The following PNPT1 variants were observed in gnomAD, a reference collection of about 807,000 sequenced individuals.
PNPT1 encodes the protein polyribonucleotide nucleotidyltransferase 1, also known as polyribonucleotide nucleotidyltransferase 1, mitochondrial.
A neutral mutation model predicts 119.5 loss-of-function variants in PNPT1; 53 were observed. That is an observed-to-expected ratio of 0.44 (90% confidence interval 0.36 to 0.56). The LOEUF is 0.56. Ranked by LOEUF, PNPT1 falls within the 20% of genes least tolerant of loss-of-function variation. PNPT1 has a pLI of 0.00. For missense variants in PNPT1, 948 were observed against 938.5 expected (o/e 1.01, Z -0.13); for synonymous variants, 357 against 322.1 (o/e 1.11, Z -1.16).
chr2:55,680,407 C>T (rs1697208445), intron 7 of PNPT1, among the ~76,000 whole-genome samples: 1 of 132,338 alleles, frequency 7.6e-6, no homozygotes, highest in Admixed American at 8.6e-5. Flanking sequence ...GGAGTATATA[C>T]TCTGATAATT....
chr2:55,638,571 C>G (rs1695747693), intron 26 of PNPT1, among the ~76,000 whole-genome samples: 1 of 151,568 alleles, frequency 6.6e-6, no homozygotes, highest in African/African-American at 2.4e-5. Context: ...ATCACTTGAG[C>G]CTGGGAGGCT....
At chr2:55,673,149 C>A in intron 8 of PNPT1, 70 bp from the exon 9 acceptor site, 1 of 1,160,380 alleles carries the variant, frequency 8.6e-7, no homozygotes, top group East Asian at 2.5e-5. Context: ...TTTTCAAATA[C>A]CATGACATGA....
chr2:55,635,303 G>A lies in PNPT1; in HGVS notation c.*934C>T, dbSNP rs1418306697. The A allele has an allele frequency of 4.0e-5, 5 of 124,802 alleles. No homozygotes were observed. The highest frequency in any genetic ancestry group is 8.1e-5 in the Non-Finnish European group (5 of 61,660). The allele number at this position is 124,802 out of a possible 1,614,324, so 7.7% of individuals were successfully genotyped here. ...TATTCAAATTGACCTAGTTCAATTT[G>A]ATAAGTAAACAATTTTTTTTTTTTT... On this transcript the variant is annotated 3_prime_UTR_variant, in exon 28 of 28. Coordinates refer to ENST00000447944, the MANE Select transcript of PNPT1 (RefSeq NM_033109.5).
Position 55,686,936 on chromosome 2 carries a change from C to T in PNPT1, c.223-492G>A, listed in dbSNP as rs564667606. Reference sequence around the variant, plus strand: ...CGAGGTCAAGAGATTGAGACCAGGCCAGGCGCGGTGGCTCACGTCTGTAAT... The same window carrying T: ...CGAGGTCAAGAGATTGAGACCAGGCTAGGCGCGGTGGCTCACGTCTGTAAT... On this transcript the variant is annotated intron_variant, in intron 2 of 27. Coordinates refer to ENST00000447944, the MANE Select transcript of PNPT1 (RefSeq NM_033109.5). 4.0e-5 allele frequency among the ~76,000 whole-genome samples: 6 copies of T among 151,886 alleles called. No homozygotes were observed. The South Asian group carries it at 8.3e-4, about 21-fold the overall frequency.
At chr2:55,673,158 G>T in intron 8 of PNPT1, 79 bp from the exon 9 acceptor site, 1 of 1,121,638 alleles carries the variant, frequency 8.9e-7, no homozygotes, top group Non-Finnish European at 1.2e-6. Flanking sequence ...ACCATGACAT[G>T]ACATAAATAT....
chr2:55,636,088 C>A lies in PNPT1; in HGVS notation c.*149G>T. On this transcript the variant is annotated 3_prime_UTR_variant, in exon 28 of 28. Coordinates refer to ENST00000447944, the MANE Select transcript of PNPT1 (RefSeq NM_033109.5). The stretch of plus-strand genomic sequence containing the variant: ...TGGGTTACTCGAATTAAAAAAATGG[C>A]ACATGTAAATGAGCATTTTAGTACA... 2.3e-6 allele frequency: 1 copy of A among 438,998 alleles called. No homozygotes were observed. The highest frequency in any genetic ancestry group is 3.7e-6 in the Non-Finnish European group (1 of 268,118). 27.2% of individuals were successfully genotyped at this position (438,998 alleles called of 1,614,324 possible). A position where few individuals can be genotyped will look rare whatever the true frequency, so the allele number is the denominator to read the frequency against.
In PNPT1 at chr2:55,672,900, T is replaced by C. The variant is rs1572824007; in HGVS notation, c.859A>G (p.Thr287Ala). 1.3e-6 allele frequency: 2 copies of C among 1,598,062 alleles called. No homozygotes were observed. The highest frequency in any genetic ancestry group is 4.5e-5 in the East Asian group (2 of 44,284). Reference protein sequence around the residue: ...FTPSPEIVKYTHKLAMERLYA... With the variant: ...FTPSPEIVKYAHKLAMERLYA... ...TTGCACAGATGTTCTTACTTATGAG[T>C]ATATTTCACAATCTCTGGCGAAGGG... The change falls in exon 9 of 28, where the codon ACT becomes GCT. Residue 287 changes from threonine to alanine, a missense_variant. By Grantham distance (58) the Thr-to-Ala change is moderately conservative. Transcript: ENST00000447944.
intron 8 of PNPT1, among the ~76,000 whole-genome samples, chr2:55,677,596 CAAAAAAA>C (rs70954146): frequency 6.0e-5 from 2 of 33,502 alleles, no homozygotes; most frequent in African/African-American, 1.4e-4. Context: ...GACTATGTCT[CAAAAAAA>C]AAAAAAAAAA....
chr2:55,645,169 G>A (rs1207526044), intron 22 of PNPT1, 180 bp downstream of exon 22: 7 of 401,472 alleles, frequency 1.7e-5, no homozygotes, highest in Middle Eastern at 1.5e-3. Flanking sequence ...GACTACAGGC[G>A]CCCGCCACCA....
intron 8 of PNPT1, among the ~76,000 whole-genome samples, chr2:55,678,693 A>C (rs1025240026): frequency 1.3e-5 from 2 of 152,220 alleles, no homozygotes; most frequent in Non-Finnish European, 2.9e-5. Context: ...TCACTGTCCT[A>C]GATTTACCAC....
chr2:55,656,336 G>T lies in PNPT1; in HGVS notation c.1320C>A (p.Val440=), dbSNP rs758340411. The change falls in exon 16 of 28, where the codon GTC becomes GTA. Residue 440 remains valine (V), a synonymous_variant. Transcript: ENST00000447944. ...CAAGTTCTCTTCTATTTAAACCAGT[G>T]ACTTTGCCAATTTCATTAGTTGCAT... is the stretch of plus-strand genomic sequence containing the variant. ...PPYATNEIGK[V]TGLNRRELGH... The T allele has an allele frequency of 1.2e-6, 2 of 1,607,910 alleles. No individual in the cohort carries two copies. The highest frequency in any genetic ancestry group is 1.7e-6 in the Non-Finnish European group (2 of 1,178,002).
intron 23 of PNPT1, 110 bp from the exon 24 acceptor site, chr2:55,643,535 AG>A: frequency 1.1e-6 from 1 of 880,252 alleles, no homozygotes; most frequent in South Asian, 1.5e-5. Flanking sequence ...ACTTGAGCTC[AG>A]GAGTTCAAGG....
intron 18 of PNPT1, among the ~76,000 whole-genome samples, chr2:55,650,489 G>C (rs1047962359): frequency 6.6e-6 from 1 of 152,092 alleles, no homozygotes; most frequent in Non-Finnish European, 1.5e-5. Flanking sequence ...ATCTCAGCTC[G>C]CTACAACCTT....
chr2:55,644,845 A>C (rs2104030312), intron 22 of PNPT1, 125 bp from the exon 23 acceptor site: 38 of 511,928 alleles, frequency 7.4e-5, no homozygotes, highest in Non-Finnish European at 3.3e-6. Flanking sequence ...TTTACTATAA[A>C]ACAGAAAAGT....
At position 55,672,078 on chromosome 2, in the gene PNPT1, T is replaced by A. The variant is rs757515701; in HGVS notation, c.867-32A>T. The A allele has an allele frequency of 3.9e-6, 6 of 1,521,898 alleles. No individual in the cohort carries two copies. The African/African-American group carries it at 4.2e-5, about 11-fold the overall frequency. The allele number at this position is 1,521,898 out of a possible 1,614,324, so 94.3% of individuals were successfully genotyped here. Reference sequence around the variant, plus strand: ...AAGCAGAAAATAAATGTTAGCATAATAATATCTGGAAACAAGAGGCAGTTT... The same window carrying A: ...AAGCAGAAAATAAATGTTAGCATAAAAATATCTGGAAACAAGAGGCAGTTT... On this transcript the variant is annotated intron_variant, in intron 9 of 27. Transcript: ENST00000447944.
At chr2:55,651,801 A>T (rs1321871009) in intron 18 of PNPT1, among the ~76,000 whole-genome samples, 1 of 151,456 alleles carries the variant, frequency 6.6e-6, no homozygotes, top group African/African-American at 2.4e-5. Flanking sequence ...TAAAAAAAAA[A>T]AATCCTATTT....
rs539047402 is a variant in PNPT1 at position 55,685,034 on chromosome 2, T to A, written c.312A>T (p.Gln104His). Residue 104 changes from glutamine (Q) to histidine (H), a missense_variant, in exon 4 of 28, where the codon CAA (glutamine) becomes CAT (histidine). Physicochemically the swap from Gln to His is conservative, Grantham distance 24 (BLOSUM62 0). Transcript: ENST00000447944. ...GAATTCTACCTGCTGCAGCAGCTTTTTGTCTGTAGTCAACCTGAAGCAGCA... is the reference window on the plus strand; with the variant it reads ...GAATTCTACCTGCTGCAGCAGCTTTATGTCTGTAGTCAACCTGAAGCAGCA... The part of the protein sequence containing the change: ...QFMPLVVDYR[Q>H]KAAAAGRIPT... 3.1e-6 allele frequency: 5 copies of A among 1,590,578 alleles called. No homozygotes were observed. In the East Asian group the frequency reaches 1.1e-4, roughly 36 times the overall value.
chr2:55,664,366 C>T (rs1012293442), intron 13 of PNPT1, among the ~76,000 whole-genome samples: 1 of 152,046 alleles, frequency 6.6e-6, no homozygotes, highest in Non-Finnish European at 1.5e-5. Flanking sequence ...CCTTGGGAGG[C>T]GAAGGTAGGA....
At chr2:55,686,149 C>T (rs1176149308) in intron 3 of PNPT1, among the ~76,000 whole-genome samples, 2 of 152,216 alleles carry the variant, frequency 1.3e-5, no homozygotes, top group Non-Finnish European at 2.9e-5. Flanking sequence ...TTCTTGTCAA[C>T]TTACGCACCT....
Sources: allele counts gnomAD v4.1 joint callset (sites outside exome capture counted in the v4.1 genomes callset), GRCh38; gene constraint gnomAD v4.1.1; transcripts MANE v1.5; gene names NCBI Gene and HGNC (gene_info 2026-07-23, HGNC 2026-07-21).